The following LPCAT3 variants were observed in gnomAD, a reference collection of about 807,000 sequenced individuals.
LPCAT3 encodes the protein lysophosphatidylcholine acyltransferase 3.
Under a neutral mutation model 63.4 loss-of-function variants are expected in LPCAT3, and 21 were observed. The observed-to-expected ratio is 0.33, with a 90% CI of 0.23 to 0.48. The LOEUF (loss-of-function observed/expected upper bound fraction) is 0.48, where lower values mean the gene tolerates loss of function less well. LPCAT3 is among the 20% of genes least tolerant of loss of function. The pLI is 0.99. For synonymous variants in LPCAT3, 242 were observed against 227.5 expected (o/e 1.06, Z -0.58); for missense variants, 451 against 590.6 (o/e 0.76, Z 2.45).
Position 7,018,255 on chromosome 12 carries a change from GA to G in LPCAT3, c.151+18del, listed in dbSNP as rs782773234. On this transcript the variant is annotated intron_variant, in intron 1 of 12. Coordinates refer to ENST00000261407, the MANE Select transcript of LPCAT3 (RefSeq NM_005768.6). The surrounding 1 kb of genome is among the most constrained non-coding windows in gnomAD (Gnocchi z 4.9). The stretch of plus-strand genomic sequence containing the variant: ...CCGGGGACTCCGCGAGGGGCGGAGG[GA>G]GGCAGGAGGGTCCTTACCCAGGAAG... 4.4e-6 allele frequency: 7 copies of G among 1,586,090 alleles called. No homozygotes were observed. The South Asian group carries it at 8.0e-5, about 18-fold the overall frequency.
At chr12:7,007,493 CTTTTT>C (rs1161030834) in intron 1 of LPCAT3, among the ~76,000 whole-genome samples, 1 of 121,702 alleles carries the variant, frequency 8.2e-6, no homozygotes. Context: ...TTGACAAAAG[CTTTTT>C]TTTTTTTTTT....
chr12:7,006,696 C>G (rs1366165275), intron 1 of LPCAT3, among the ~76,000 whole-genome samples: 2 of 152,118 alleles, frequency 1.3e-5, no homozygotes, highest in Admixed American at 6.5e-5. Context: ...GGTCAGGGCC[C>G]CATATGTTTA....
At chr12:7,007,500 T>G (rs782476823) in intron 1 of LPCAT3, among the ~76,000 whole-genome samples, 363 of 149,752 alleles carry the variant, frequency 2.4e-3, no homozygotes, top group African/African-American at 8.6e-3. Context: ...AAGCTTTTTT[T>G]TTTTTTTTTT....
Position 6,977,141 on chromosome 12 carries a change from A to G in LPCAT3, c.*5T>C, listed in dbSNP as rs1555153324. On this transcript the variant is annotated 3_prime_UTR_variant, in exon 12 of 13. Coordinates refer to ENST00000261407, the MANE Select transcript of LPCAT3 (RefSeq NM_005768.6). The surrounding 1 kb of genome is among the most constrained non-coding windows in gnomAD (Gnocchi z 4.5). ...TTAGCTGTATTAACTTACCAGGGAA[A>G]TGGATTATTCCATCTTCTTTAACTT... 6.3e-7 allele frequency: 1 copy of G among 1,577,072 alleles called. No individual in the cohort carries two copies. The highest frequency in any genetic ancestry group is 1.3e-5 in the African/African-American group (1 of 74,200).
intron 1 of LPCAT3, among the ~76,000 whole-genome samples, chr12:7,011,521 C>A (rs901808546): frequency 6.6e-6 from 1 of 151,834 alleles, no homozygotes; most frequent in African/African-American, 2.4e-5. Flanking sequence ...TGGTGGCTCA[C>A]GCCTGTAGTT....
At chr12:6,989,174 G>T (rs1555155165) in intron 1 of LPCAT3, among the ~76,000 whole-genome samples, 1 of 151,794 alleles carries the variant, frequency 6.6e-6, no homozygotes, top group African/African-American at 2.4e-5. Context: ...CCTTCTTTTT[G>T]ATTGTTTGTT....
At chr12:6,980,893 ATGACTCAG>A in intron 6 of LPCAT3, 103 bp downstream of exon 6, 1 of 1,103,730 alleles carries the variant, frequency 9.1e-7, no homozygotes. Flanking sequence ...CAGGGCCTGC[ATGACTCAG>A]GTCTCTATGC....
chr12:7,018,350 C>A lies in LPCAT3; in HGVS notation c.75G>T (p.Glu25Asp). ...ACGTCGCCAACTTGTTAAGGCTCAG[C>A]TCCTGGAAACCCGACTGCAGAACCC... Reference protein sequence around the residue: ...LAGVLQSGFQELSLNKLATSL... With the variant: ...LAGVLQSGFQDLSLNKLATSL... Residue 25 changes from glutamate (E) to aspartate (D), a missense_variant, in exon 1 of 13, where the codon GAG (glutamate) becomes GAT (aspartate). Glu to Asp is a conservative substitution (Grantham distance 45). This residue lies in a region of LPCAT3 where 133 missense variants were observed against 152.1 expected (regional missense o/e 0.87). Transcript: ENST00000261407. The surrounding 1 kb of genome is among the most constrained non-coding windows in gnomAD (Gnocchi z 4.9). The A allele has an allele frequency of 6.2e-7, 1 of 1,612,216 alleles. No individual in the cohort carries two copies.
intron 1 of LPCAT3, among the ~76,000 whole-genome samples, chr12:7,011,179 CAT>C (rs1488313495): frequency 6.6e-6 from 1 of 152,062 alleles, no homozygotes; most frequent in Non-Finnish European, 1.5e-5. Flanking sequence ...GGACTACAGA[CAT>C]ATGCCACCCA....
chr12:7,000,431 CA>C (rs1194450626), intron 1 of LPCAT3, among the ~76,000 whole-genome samples: 7 of 145,034 alleles, frequency 4.8e-5, no homozygotes, highest in African/African-American at 1.3e-4. Flanking sequence ...ACTAAAAATA[CA>C]AAAAAAAAGC....
chr12:6,989,326 T>C (rs1946564352), intron 1 of LPCAT3, among the ~76,000 whole-genome samples: 1 of 150,560 alleles, frequency 6.6e-6, no homozygotes, highest in South Asian at 2.1e-4. Context: ...TTTTTTTTTT[T>C]TTTTTGAGAC....
chr12:6,977,363 T>C lies in LPCAT3; in HGVS notation c.1347+4A>G. ...CCCAGTCTCACAAGCAGGCCTTCAC[T>C]TGCCTTAAGCCATTTGTCCCACGTG... is the stretch of plus-strand genomic sequence containing the variant. On this transcript the variant is annotated splice_donor_region_variant and intron_variant, in intron 11 of 12. Coordinates refer to ENST00000261407, the MANE Select transcript of LPCAT3 (RefSeq NM_005768.6). The surrounding 1 kb of genome is among the most constrained non-coding windows in gnomAD (Gnocchi z 4.5). 6.2e-7 allele frequency: 1 copy of C among 1,614,178 alleles called. No homozygotes were observed.
chr12:7,001,518 C>T (rs1946687528), intron 1 of LPCAT3: 1 of 456,050 alleles, frequency 2.2e-6, no homozygotes, highest in Non-Finnish European at 4.4e-6. Context: ...AGATTAGTTC[C>T]GGTGAGGCTT....
chr12:7,006,400 G>A (rs1368053673), intron 1 of LPCAT3, among the ~76,000 whole-genome samples: 2 of 152,164 alleles, frequency 1.3e-5, no homozygotes, highest in African/African-American at 2.4e-5. Flanking sequence ...TGTATTTTTA[G>A]TAGAGATGGG....
chr12:6,977,610 A>G lies in LPCAT3; in HGVS notation c.1176T>C (p.Ile392=). 6.2e-7 allele frequency: 1 copy of G among 1,614,182 alleles called. No individual in the cohort carries two copies. The highest frequency in any genetic ancestry group is 8.5e-7 in the Non-Finnish European group (1 of 1,180,030). ...CCTGGAGGCCTACCTGTCTTTCCAC[A>G]ATAACAATGAGGAATTCCATCTGGA... is the stretch of plus-strand genomic sequence containing the variant. The part of the protein sequence containing the change: ...VCFQMEFLIV[I]VERQAARLIQ... Residue 392 remains isoleucine, a synonymous_variant, in exon 10 of 13, where the codon ATT becomes ATC. Transcript: ENST00000261407. This position sits in a 1 kb window ranked among gnomAD's most constrained non-coding sequence, Gnocchi z 4.5.
intron 1 of LPCAT3, among the ~76,000 whole-genome samples, chr12:6,984,613 C>A (rs782511791): frequency 6.6e-6 from 1 of 152,278 alleles, no homozygotes; most frequent in South Asian, 2.1e-4. Context: ...GAGACAGGGT[C>A]TCTTGCTCTG....
intron 1 of LPCAT3, among the ~76,000 whole-genome samples, chr12:6,986,417 A>G (rs1489302069): frequency 2.0e-5 from 3 of 152,188 alleles, no homozygotes; most frequent in Non-Finnish European, 4.4e-5. Context: ...CAAATGACAT[A>G]CAAAATATAT....
intron 1 of LPCAT3, among the ~76,000 whole-genome samples, chr12:7,011,377 G>A (rs1357770344): frequency 1.3e-5 from 2 of 152,162 alleles, no homozygotes; most frequent in African/African-American, 4.8e-5. Flanking sequence ...CAGGGGCAAT[G>A]GCTTATGCCT....
intron 4 of LPCAT3, 52 bp from the exon 5 acceptor site, chr12:6,981,684 T>C (rs782466053): frequency 6.8e-7 from 1 of 1,480,068 alleles, no homozygotes; most frequent in Non-Finnish European, 9.2e-7. Context: ...ACACTGAGGA[T>C]GTGGCCTGTA....
Sources: allele counts gnomAD v4.1 joint callset (sites outside exome capture counted in the v4.1 genomes callset), GRCh38; gene constraint gnomAD v4.1.1; regional missense constraint gnomAD v4.1.1; non-coding constraint Gnocchi (gnomAD v3.1); transcripts MANE v1.5; gene names NCBI Gene and HGNC (gene_info 2026-07-23, HGNC 2026-07-21).